The following SYNE1 variants were observed in gnomAD, a reference collection of about 807,000 sequenced individuals.
SYNE1 encodes nesprin-1.
SYNE1 carries 616 observed loss-of-function variants against 1,111.0 expected under a neutral mutation model. That is an observed-to-expected ratio of 0.55 (90% CI 0.52 to 0.59). The LOEUF (loss-of-function observed/expected upper bound fraction) is 0.59. Ranked by LOEUF, SYNE1 falls within the 20% of genes least tolerant of loss-of-function variation. The pLI is 0.00. For missense variants in SYNE1, 10,006 were observed against 10,417.0 expected (o/e 0.96, Z 1.72); for synonymous variants, 3,855 against 3,825.8 (o/e 1.01, Z -0.28).
Position 152,344,063 on chromosome 6 carries a change from C to T in SYNE1, c.12225+18G>A, listed in dbSNP as rs2096588018. ...GAATGATTCACAAGAATAACACAAA[C>T]TTTCAGGAGTTTACTACCTGCTTAA... On this transcript the variant is annotated intron_variant, in intron 74 of 145. Transcript: ENST00000367255. The T allele has an allele frequency of 1.2e-6, 2 of 1,614,114 alleles. No homozygotes were observed. The highest frequency in any genetic ancestry group is 1.7e-6 in the Non-Finnish European group (2 of 1,179,986).
intron 145 of SYNE1, chr6:152,129,621 A>G (rs920228718): frequency 1.3e-5 from 2 of 152,134 alleles, no homozygotes; most frequent in African/African-American, 4.8e-5. Flanking sequence ...GAAAAAAAAA[A>G]ACAGTACAGG....
In SYNE1 at chr6:152,416,769, T is replaced by C; in HGVS notation, c.5668A>G (p.Thr1890Ala). The change falls in exon 41 of 146, where the codon ACA (threonine) becomes GCA (alanine). Residue 1890 changes from threonine to alanine, a missense_variant. Around this residue, in one of 7 missense-constraint regions of SYNE1, gnomAD observed 4,955 missense variants for 5,017.2 expected, o/e 0.99. Coordinates refer to ENST00000367255, the MANE Select transcript of SYNE1 (RefSeq NM_182961.4). ...LSGILRQLRQ[T>A]VEATNSMNKN... ...TTCATACTGTTGGTTGCTTCCACTG[T>C]TTGCCTCAGCTGGCGGAGAATGCCG... 6.2e-7 allele frequency: 1 copy of C among 1,614,252 alleles called. No homozygotes were observed. Among genetic ancestry groups the C allele is most frequent in the Non-Finnish European group, 8.5e-7 (1 of 1,180,054 alleles).
At chr6:152,521,716 C>T (rs1294980192) in intron 5 of SYNE1, among the ~76,000 whole-genome samples, 1 of 152,200 alleles carries the variant, frequency 6.6e-6, no homozygotes, top group East Asian at 1.9e-4. Context: ...GTTGTTTGCA[C>T]CCATATTGTT....
chr6:152,344,833 T>C (rs2096603038), intron 73 of SYNE1, among the ~76,000 whole-genome samples: 1 of 152,204 alleles, frequency 6.6e-6, no homozygotes, highest in African/African-American at 2.4e-5. Context: ...AATTAATCCT[T>C]AACAAGCCAA....
intron 127 of SYNE1, among the ~76,000 whole-genome samples, chr6:152,194,206 T>C (rs1269320586): frequency 6.6e-6 from 1 of 151,650 alleles, no homozygotes; most frequent in Non-Finnish European, 1.5e-5. Context: ...GTTAATGAAA[T>C]CCCTTAGCTT....
At chr6:152,488,073 TC>T (rs2098950753) in intron 12 of SYNE1, among the ~76,000 whole-genome samples, 1 of 65,572 alleles carries the variant, frequency 1.5e-5, no homozygotes, top group Non-Finnish European at 2.8e-5. Context: ...AGACTCCGTC[TC>T]AAAAAAAAAA....
chr6:152,294,883 A>G (rs979127254), intron 93 of SYNE1, among the ~76,000 whole-genome samples: 13 of 152,170 alleles, frequency 8.5e-5, no homozygotes, highest in African/African-American at 3.1e-4. Flanking sequence ...AACTGTTTCT[A>G]TGGTTATTTA....
intron 88 of SYNE1, 21 bp downstream of exon 88, chr6:152,310,667 C>CTTTTTTTTTTTTTTTTT (rs545568394): frequency 2.0e-6 from 3 of 1,509,532 alleles, no homozygotes; most frequent in East Asian, 2.4e-5. Flanking sequence ...TTTTCTGTTT[C>CTTTTTTTTTTTTTTTTT]TTTTTTTTTT....
chr6:152,621,572 G>A (rs563827412), intron 3 of SYNE1, among the ~76,000 whole-genome samples: 11 of 149,934 alleles, frequency 7.3e-5, no homozygotes, highest in Middle Eastern at 3.2e-3. Flanking sequence ...TTTAGTATTT[G>A]TAAACCTTTG....
chr6:152,496,386 G>A (rs1329491164), intron 11 of SYNE1, among the ~76,000 whole-genome samples: 5 of 152,018 alleles, frequency 3.3e-5, no homozygotes, highest in South Asian at 2.1e-4. Context: ...AAATAATTAC[G>A]CTGAACCGCC....
chr6:152,484,745 G>C, intron 13 of SYNE1, 90 bp downstream of exon 13: 1 of 1,393,258 alleles, frequency 7.2e-7, no homozygotes, highest in East Asian at 2.4e-5. Context: ...AGTAGAACCT[G>C]TTGCCATACC....
chr6:152,232,385 G>A, intron 112 of SYNE1, 120 bp from the exon 113 acceptor site: 2 of 1,067,144 alleles, frequency 1.9e-6, no homozygotes, highest in Non-Finnish European at 2.9e-6. Flanking sequence ...ACTCCTTAAT[G>A]ACATTTGGAG....
intron 129 of SYNE1, among the ~76,000 whole-genome samples, chr6:152,179,910 C>T (rs2153175838): frequency 6.6e-6 from 1 of 152,004 alleles, no homozygotes; most frequent in South Asian, 2.1e-4. Context: ...GTCTTGATCT[C>T]CTGACCTCAT....
intron 100 of SYNE1, among the ~76,000 whole-genome samples, chr6:152,263,022 T>C (rs911052799): frequency 2.0e-5 from 3 of 146,368 alleles, no homozygotes; most frequent in South Asian, 2.2e-4. Flanking sequence ...CACGGAAAGA[T>C]AGTACAGGGC....
intron 104 of SYNE1, among the ~76,000 whole-genome samples, chr6:152,251,082 T>C (rs1389870701): frequency 6.6e-6 from 1 of 152,088 alleles, no homozygotes; most frequent in Non-Finnish European, 1.5e-5. Context: ...CCCAAGTAGC[T>C]GGGACTATAG....
rs552392799 is a variant in SYNE1, at chr6:152,351,264, A to G, written c.11581-494T>C. ...AGGAGGAAGAGGTTGTGATTCTTAT[A>G]TGGCCTCTTCAAAGACAAGTTGTCG... On this transcript the variant is annotated intron_variant, in intron 70 of 145. Coordinates refer to ENST00000367255, the MANE Select transcript of SYNE1 (RefSeq NM_182961.4). Among the ~76,000 whole-genome samples the G allele has an allele frequency of 3.3e-5, 5 of 152,304 alleles. No homozygotes were observed. In the East Asian group the frequency reaches 9.6e-4, roughly 29 times the overall value.
At chr6:152,490,592 CTG>C (rs2098964986) in intron 11 of SYNE1, among the ~76,000 whole-genome samples, 1 of 152,162 alleles carries the variant, frequency 6.6e-6, no homozygotes. Flanking sequence ...CCCCCTTTGA[CTG>C]TAATTTTCCA....
chr6:152,325,799 T>C (rs1590115330), intron 80 of SYNE1, among the ~76,000 whole-genome samples, 159 bp downstream of exon 80: 1 of 152,214 alleles, frequency 6.6e-6, no homozygotes, highest in Admixed American at 6.5e-5. Context: ...TAAAAGGTAA[T>C]AGCATTTAAT....
At chr6:152,361,018 C>G (rs2096922232) in intron 64 of SYNE1, among the ~76,000 whole-genome samples, 1 of 152,134 alleles carries the variant, frequency 6.6e-6, no homozygotes, top group Non-Finnish European at 1.5e-5. Context: ...TATGAGAGAA[C>G]AGAACAATGA....
Sources: allele counts gnomAD v4.1 joint callset (sites outside exome capture counted in the v4.1 genomes callset), GRCh38; gene constraint gnomAD v4.1.1; regional missense constraint gnomAD v4.1.1; transcripts MANE v1.5; gene names NCBI Gene and HGNC (gene_info 2026-07-23, HGNC 2026-07-21).